The following ZNF726 variants were observed in gnomAD, a reference collection of about 807,000 sequenced individuals.
ZNF726 encodes the protein zinc finger protein 92 pseudogene 3.
A neutral mutation model predicts 11.6 loss-of-function variants in ZNF726; 15 were observed. That is an observed-to-expected ratio of 1.29 (90% CI 0.86 to 1.99). The LOEUF (loss-of-function observed/expected upper bound fraction) is 1.99, where lower values mean the gene tolerates loss of function less well. ZNF726 is among the 30% of genes most tolerant of loss of function. The pLI is 0.00. For synonymous variants in ZNF726, 295 were observed against 243.6 expected, an observed-to-expected ratio of 1.21 and a Z score of -1.96; for missense variants, 890 against 725.6, an observed-to-expected ratio of 1.23 and a Z score of -2.60.
chr19:23,925,750 T>C (rs2144975109), intron 3 of ZNF726, among the ~76,000 whole-genome samples: 1 of 147,770 alleles, frequency 6.8e-6, no homozygotes, highest in African/African-American at 2.5e-5. Flanking sequence ...GAAGTCTTGC[T>C]CTGTCACCCA....
At position 23,933,740 on chromosome 19, in the gene ZNF726, T is replaced by A. The variant is rs1169642253; in HGVS notation, c.1624T>A (p.Cys542Ser). ...TGEKPYKCEE[C>S]GKTFNQSSNL... The stretch of plus-strand genomic sequence containing the variant: ...AGAGAAACCCTACAAATGTGAAGAA[T>A]GTGGCAAAACTTTTAATCAATCCTC... The change falls in exon 4 of 4, where the codon TGT becomes AGT. Residue 542 changes from cysteine to serine, a missense_variant. Physicochemically the swap from Cys to Ser is moderately radical, Grantham distance 112. Transcript: ENST00000594466. 4 of 1,611,846 alleles carry A rather than the reference T, an allele frequency of 2.5e-6. No homozygotes were observed. The highest frequency in any genetic ancestry group is 1.7e-6 in the Non-Finnish European group (2 of 1,179,854).
chr19:23,931,937 C>T (rs955455969), intron 3 of ZNF726, among the ~76,000 whole-genome samples: 1 of 152,094 alleles, frequency 6.6e-6, no homozygotes, highest in African/African-American at 2.4e-5. Flanking sequence ...CCAAAAAAAG[C>T]CCCTAAAAGC....
At chr19:23,943,611 C>CGATA (rs1599479658) in intron 4 of ZNF726, 1 of 594,418 alleles carries the variant, frequency 1.7e-6, no homozygotes, top group Non-Finnish European at 3.1e-6. Context: ...TGAATGAAGC[C>CGATA]GATAACACAG....
At chr19:23,919,199 G>A (rs1312389082) in intron 1 of ZNF726, 174 bp from the exon 2 acceptor site, 22 of 1,000,378 alleles carry the variant, frequency 2.2e-5, no homozygotes, top group Non-Finnish European at 2.8e-5. Context: ...TTTTCTCAGA[G>A]TTAGAGAATA....
chr19:23,919,422 G>T lies in ZNF726; in HGVS notation c.53G>T (p.Trp18Leu). The T allele has an allele frequency of 6.2e-6, 10 of 1,608,282 alleles. No homozygotes were observed. The highest frequency in any genetic ancestry group is 8.5e-6 in the Non-Finnish European group (10 of 1,176,516). The change falls in exon 2 of 4, where the codon TGG becomes TTG. Residue 18 changes from tryptophan (W) to leucine (L), a missense_variant. Physicochemically the swap from Trp to Leu is moderately conservative, Grantham distance 61. Coordinates refer to ENST00000594466, the MANE Select transcript of ZNF726 (RefSeq NM_001244038.2). ...GCCATAGAATTCTCTCTGGAGGAGT[G>T]GCAGTGCCTGGACACTGCACAGAAG... ...DVAIEFSLEE[W>L]QCLDTAQKNL...
At position 23,914,956 on chromosome 19, in the gene ZNF726, C is replaced by G. The variant is rs1232049096; in HGVS notation, c.-39C>G. 2 of 1,613,262 alleles carry G rather than the reference C, an allele frequency of 1.2e-6. No individual in the cohort carries two copies. Among genetic ancestry groups the G allele is most frequent in the Non-Finnish European group, 1.7e-6 (2 of 1,179,928 alleles). ...GTGTCTTCTGCTTTTAGGGGCGCAG[C>G]CTCTGTGGCCCTGTGACCTGCCCCC... On this transcript the variant is annotated 5_prime_UTR_variant, in exon 1 of 4. Coordinates refer to ENST00000594466, the MANE Select transcript of ZNF726 (RefSeq NM_001244038.2).
chr19:23,933,847 C>T lies in ZNF726; in HGVS notation c.1731C>T (p.Ser577=), dbSNP rs1968177588. 3.8e-6 allele frequency: 6 copies of T among 1,595,856 alleles called. No homozygotes were observed. The highest frequency in any genetic ancestry group is 4.3e-6 in the Non-Finnish European group (5 of 1,171,714). The stretch of plus-strand genomic sequence containing the variant: ...AATGTGGAAAAGCGTTTAATCGATC[C>T]TCAAATCTTAGTACGCATAAGATAA... The part of the protein sequence containing the change: ...CEECGKAFNR[S]SNLSTHKIIH... Residue 577 remains serine, a synonymous_variant, in exon 4 of 4, where the codon TCC becomes TCT. Coordinates refer to ENST00000594466, the MANE Select transcript of ZNF726 (RefSeq NM_001244038.2).
At chr19:23,941,485 G>A (rs1005908081) in intron 3 of ZNF726, among the ~76,000 whole-genome samples, 4 of 152,096 alleles carry the variant, frequency 2.6e-5, no homozygotes, top group African/African-American at 9.6e-5. Flanking sequence ...GGGTGATGCT[G>A]GCTTCACAGA....
chr19:23,934,517 T>A, downstream of ZNF726: 1 of 371,516 alleles, frequency 2.7e-6, no homozygotes, highest in Non-Finnish European at 5.3e-6. Flanking sequence ...CCATTGCACC[T>A]TTATTGTTTA....
At chr19:23,937,209 G>A (rs555004744), downstream of ZNF726, among the ~76,000 whole-genome samples, 63 of 150,026 alleles carry the variant, frequency 4.2e-4, no homozygotes, top group Admixed American at 6.6e-4. Flanking sequence ...CCTCCCTCCC[G>A]GACGGGGCGG....
chr19:23,934,659 G>A (rs1448165667), downstream of ZNF726, among the ~76,000 whole-genome samples: 3 of 152,180 alleles, frequency 2.0e-5, no homozygotes, highest in Non-Finnish European at 4.4e-5. Context: ...AAGGGCTAAG[G>A]AATCAGACAC....
intron 3 of ZNF726, among the ~76,000 whole-genome samples, chr19:23,939,882 T>TTTTTTTC (rs1968310143): frequency 2.0e-5 from 3 of 149,656 alleles, no homozygotes; most frequent in South Asian, 4.3e-4. Flanking sequence ...TTTTTTTTTT[T>TTTTTTTC]CTGACTGATT....
intron 3 of ZNF726, among the ~76,000 whole-genome samples, chr19:23,931,433 G>C (rs1968102846): frequency 6.6e-6 from 1 of 151,758 alleles, no homozygotes; most frequent in Non-Finnish European, 1.5e-5. Flanking sequence ...ACTTGTCTCT[G>C]TTCCTGTTTT....
At chr19:23,919,284 C>T in intron 1 of ZNF726, 89 bp from the exon 2 acceptor site, 1 of 1,555,468 alleles carries the variant, frequency 6.4e-7, no homozygotes, top group Non-Finnish European at 8.7e-7. Flanking sequence ...AGAATCAATT[C>T]TATTCACTTT....
chr19:23,936,043 TG>T (rs1968225089), downstream of ZNF726: 1 of 152,240 alleles, frequency 6.6e-6, no homozygotes, highest in African/African-American at 2.4e-5. Context: ...ATTAAAATTT[TG>T]TTCAACATCA....
At chr19:23,919,905 T>C (rs547095466) in intron 2 of ZNF726, 82 bp from the exon 3 acceptor site, 2 of 832,528 alleles carry the variant, frequency 2.4e-6, no homozygotes, top group African/African-American at 3.5e-5. Flanking sequence ...TATTCTATTA[T>C]ATCCCTTTTA....
downstream of ZNF726, among the ~76,000 whole-genome samples, chr19:23,934,816 A>G (rs141317212): frequency 8.3e-4 from 126 of 152,336 alleles, no homozygotes; most frequent in African/African-American, 2.8e-3. Flanking sequence ...GACTCCAAGT[A>G]TCCAAAGCAT....
rs751637110 is a variant in ZNF726 at position 23,934,297 on chromosome 19, A to G, written c.*330A>G. 1 of 626,568 alleles carries G rather than the reference A, an allele frequency of 1.6e-6. No homozygotes were observed. Among genetic ancestry groups the G allele is most frequent in the Admixed American group, 1.9e-5 (1 of 52,562 alleles). 38.8% of individuals were successfully genotyped at this position (626,568 alleles called of 1,614,324 possible). ...ATAAGAGGATGCACACTGGAGAGAA[A>G]CCTTACAAATGTGAGGAATGTGGCA... is the stretch of plus-strand genomic sequence containing the variant. On this transcript the variant is annotated 3_prime_UTR_variant, in exon 4 of 4. Coordinates refer to ENST00000594466, the MANE Select transcript of ZNF726 (RefSeq NM_001244038.2).
intron 3 of ZNF726, among the ~76,000 whole-genome samples, chr19:23,930,823 CT>C (rs1968087578): frequency 6.6e-6 from 1 of 151,868 alleles, no homozygotes; most frequent in South Asian, 2.1e-4. Context: ...TTTTGCTTGT[CT>C]AAAAAACACG....
Sources: allele counts gnomAD v4.1 joint callset (sites outside exome capture counted in the v4.1 genomes callset), GRCh38; gene constraint gnomAD v4.1.1; transcripts MANE v1.5; gene names NCBI Gene and HGNC (gene_info 2026-07-23, HGNC 2026-07-21).